The following IL1RAPL1 variants were observed in gnomAD, a reference collection of about 807,000 sequenced individuals.
IL1RAPL1 encodes interleukin-1 receptor accessory protein-like 1.
IL1RAPL1 carries 3 observed loss-of-function variants against 48.4 expected under a neutral mutation model. The observed-to-expected ratio is 0.06, with a 90% CI of 0.03 to 0.16. The LOEUF (loss-of-function observed/expected upper bound fraction) is 0.16, where lower values mean the gene tolerates loss of function less well. IL1RAPL1 is among the 10% of genes least tolerant of loss of function. IL1RAPL1 has a pLI of 1.00. For synonymous variants in IL1RAPL1, 185 were observed against 187.7 expected (o/e 0.99, Z 0.12); for missense variants, 349 against 530.6 (o/e 0.66, Z 3.36).
At chrX:28,721,982 G>C in intron 1 of IL1RAPL1, among the ~76,000 whole-genome samples, 1 of 111,805 alleles carries the variant, frequency 8.9e-6, no homozygotes. Context: ...GTACCATGCT[G>C]TTTTGGTTAC....
chrX:29,332,650 T>TTA (rs1932898761), intron 3 of IL1RAPL1, among the ~76,000 whole-genome samples: 4 of 84,164 alleles, frequency 4.8e-5, no homozygotes, highest in African/African-American at 1.6e-4. Flanking sequence ...ATTTATTTAT[T>TTA]TTATTTTTTT....
At chrX:29,628,112 C>T (rs1017555897) in intron 5 of IL1RAPL1, among the ~76,000 whole-genome samples, 2 of 112,281 alleles carry the variant, frequency 1.8e-5, no homozygotes, top group South Asian at 7.4e-4. Flanking sequence ...AGCTGCCTTT[C>T]TTAACTTTCA....
At position 28,997,408 on chromosome X, in the gene IL1RAPL1, G is replaced by A. The variant is rs779841555; in HGVS notation, c.82+207983G>A. Among the ~76,000 whole-genome samples, 513 of 111,618 alleles carry A rather than the reference G, an allele frequency of 4.6e-3. 4 individuals are homozygous for A. The highest frequency in any genetic ancestry group is 0.016 in the African/African-American group (481 of 30,756). ...ATTCAGTGTATAGTTTTCCAGAGCT[G>A]AAGTGAGTTTTCTGTTTCCACAGTT... On this transcript the variant is annotated intron_variant, in intron 2 of 10. Coordinates refer to ENST00000378993, the MANE Select transcript of IL1RAPL1 (RefSeq NM_014271.4).
chrX:29,595,410 G>T (rs1923509311), intron 5 of IL1RAPL1, among the ~76,000 whole-genome samples: 1 of 111,370 alleles, frequency 9.0e-6, no homozygotes, highest in Non-Finnish European at 1.9e-5. Context: ...ATTATTTTTT[G>T]ATTTTTTTGA....
At chrX:28,593,320 A>G (rs190433520) in intron 1 of IL1RAPL1, among the ~76,000 whole-genome samples, 45 of 111,784 alleles carry the variant, frequency 4.0e-4, no homozygotes, top group Non-Finnish European at 7.2e-4. Context: ...TGAAAATCCC[A>G]GGCACTGAAC....
At chrX:29,213,440 A>T (rs1352440903) in intron 2 of IL1RAPL1, among the ~76,000 whole-genome samples, 1 of 112,754 alleles carries the variant, frequency 8.9e-6, no homozygotes, top group African/African-American at 3.2e-5. Context: ...TTGTATAGTA[A>T]CCGGAATGTT....
rs1205718911 is a variant in IL1RAPL1 at position 29,648,400 on chromosome X, T to C, written c.704-20030T>C. On this transcript the variant is annotated intron_variant, in intron 5 of 10. Transcript: ENST00000378993. ...GTCCCATGTTAGACCACAAAACAGGTGTTATCCAGCTTTAGAAGACTGAAG... is the reference window on the plus strand; with the variant it reads ...GTCCCATGTTAGACCACAAAACAGGCGTTATCCAGCTTTAGAAGACTGAAG... Among the ~76,000 whole-genome samples the C allele has an allele frequency of 3.6e-5, 4 of 111,720 alleles. No homozygotes were observed. The East Asian group carries it at 1.1e-3, about 31-fold the overall frequency.
chrX:29,588,387 A>G (rs924730142), intron 5 of IL1RAPL1, among the ~76,000 whole-genome samples: 3 of 112,146 alleles, frequency 2.7e-5, no homozygotes, highest in African/African-American at 9.7e-5. Flanking sequence ...ATGTAGTATG[A>G]ACAGCTGTAG....
intron 2 of IL1RAPL1, among the ~76,000 whole-genome samples, chrX:29,002,108 G>A (rs1410688357): frequency 9.2e-6 from 1 of 109,011 alleles, no homozygotes; most frequent in Non-Finnish European, 1.9e-5. Context: ...CACCATGTTG[G>A]CCATGCTGCT....
At chrX:29,318,292 T>C (rs1174112685) in intron 3 of IL1RAPL1, among the ~76,000 whole-genome samples, 2 of 112,613 alleles carry the variant, frequency 1.8e-5, no homozygotes, top group Non-Finnish European at 1.9e-5. Flanking sequence ...CTGTAATTTA[T>C]GGAAAAGTGC....
At chrX:28,948,520 A>G (rs142360526) in intron 2 of IL1RAPL1, among the ~76,000 whole-genome samples, 103 of 110,832 alleles carry the variant, frequency 9.3e-4, no homozygotes, top group African/African-American at 3.2e-3. Flanking sequence ...GTGGCATTGA[A>G]CTCTGGCACT....
At chrX:29,946,099 AATAG>A (rs1379529721) in intron 9 of IL1RAPL1, among the ~76,000 whole-genome samples, 1 of 111,437 alleles carries the variant, frequency 9.0e-6, no homozygotes, top group Non-Finnish European at 1.9e-5. Context: ...ACCTCTCAAA[AATAG>A]ATATTTTCCT....
At chrX:29,280,963 A>G (rs776607043) in intron 2 of IL1RAPL1, among the ~76,000 whole-genome samples, 2 of 112,284 alleles carry the variant, frequency 1.8e-5, no homozygotes, top group Non-Finnish European at 3.8e-5. Context: ...TGAATAGTAA[A>G]TGAAAGTTTA....
At chrX:29,319,947 G>A (rs1454216525) in intron 3 of IL1RAPL1, among the ~76,000 whole-genome samples, 7 of 111,842 alleles carry the variant, frequency 6.3e-5, no homozygotes, top group Non-Finnish European at 1.9e-5. Flanking sequence ...TCTCTACTAG[G>A]AAGTTGGCAA....
At chrX:29,098,191 G>A (rs977755226) in intron 2 of IL1RAPL1, among the ~76,000 whole-genome samples, 1 of 110,730 alleles carries the variant, frequency 9.0e-6, no homozygotes, top group Non-Finnish European at 1.9e-5. Flanking sequence ...TTCCTCTATA[G>A]TGTCTCCTCT....
intron 1 of IL1RAPL1, among the ~76,000 whole-genome samples, chrX:28,692,591 G>A (rs1212061438): frequency 5.4e-5 from 6 of 111,512 alleles, no homozygotes; most frequent in East Asian, 2.8e-4. Flanking sequence ...CATTTTGGCC[G>A]TTGTCAAAAA....
At chrX:29,106,053 T>C (rs1928440037) in intron 2 of IL1RAPL1, among the ~76,000 whole-genome samples, 1 of 112,614 alleles carries the variant, frequency 8.9e-6, no homozygotes, top group Non-Finnish European at 1.9e-5. Context: ...TAATTTTTTC[T>C]TTCCATTCTT....
At position 29,013,684 on chromosome X, in the gene IL1RAPL1, G is replaced by A. The variant is rs190289377; in HGVS notation, c.82+224259G>A. On this transcript the variant is annotated intron_variant, in intron 2 of 10. Coordinates refer to ENST00000378993, the MANE Select transcript of IL1RAPL1 (RefSeq NM_014271.4). The stretch of plus-strand genomic sequence containing the variant: ...GATGAGAACACATGGACACATGGTG[G>A]GGAACGACACACACTAGGGCCTGTT... Among the ~76,000 whole-genome samples, 23 of 110,991 alleles carry A rather than the reference G, an allele frequency of 2.1e-4. No individual in the cohort carries two copies. The East Asian group carries it at 4.0e-3, about 19-fold the overall frequency.
chrX:29,867,135 T>TATAAAAATAATAAAAAATAAA (rs1931710532), intron 6 of IL1RAPL1, among the ~76,000 whole-genome samples: 1 of 109,439 alleles, frequency 9.1e-6, no homozygotes, highest in Non-Finnish European at 1.9e-5. Context: ...TAATAAAATA[T>TATAAAAATAATAAAAAATAAA]ATATTGGTAA....
Sources: allele counts gnomAD v4.1 joint callset (sites outside exome capture counted in the v4.1 genomes callset), GRCh38; gene constraint gnomAD v4.1.1; transcripts MANE v1.5; gene names NCBI Gene and HGNC (gene_info 2026-07-23, HGNC 2026-07-21).